The following PRKACB variants were observed in gnomAD, a reference collection of about 807,000 sequenced individuals.
The protein encoded by PRKACB is cAMP-dependent protein kinase catalytic subunit beta.
In PRKACB, 16 loss-of-function variants were observed where a neutral mutation model predicts 51.4. That is an observed-to-expected ratio of 0.31 (90% confidence interval 0.21 to 0.47). The LOEUF (loss-of-function observed/expected upper bound fraction) is 0.47, where lower values mean the gene tolerates loss of function less well. PRKACB is among the 20% of genes least tolerant of loss of function. The probability of loss-of-function intolerance (pLI) is 1.00; values close to 1 mark genes in which losing one functional copy is unlikely to be tolerated. For synonymous variants in PRKACB, 147 were observed against 154.4 expected, an observed-to-expected ratio of 0.95 and a Z score of 0.35; for missense variants, 309 against 464.5, an observed-to-expected ratio of 0.67 and a Z score of 3.08.
At chr1:84,226,189 T>C (rs1470622145) in intron 9 of PRKACB, among the ~76,000 whole-genome samples, 1 of 152,106 alleles carries the variant, frequency 6.6e-6, no homozygotes, top group Non-Finnish European at 1.5e-5. Context: ...TTAGGTAATT[T>C]ATATTTCCTA....
intron 1 of PRKACB, among the ~76,000 whole-genome samples, chr1:84,164,026 T>C (rs113391999): frequency 4.0e-4 from 61 of 152,186 alleles, no homozygotes; most frequent in African/African-American, 1.4e-3. Flanking sequence ...TAATTGCCAG[T>C]AACTTTTTTG....
Position 84,214,291 on chromosome 1 carries a change from G to C in PRKACB, c.1045G>C (p.Asp349His). 6.2e-7 allele frequency: 1 copy of C among 1,605,704 alleles called. No individual in the cohort carries two copies. Among genetic ancestry groups the C allele is most frequent in the Non-Finnish European group, 8.5e-7 (1 of 1,176,898 alleles). ...IKTHKWFATT[D>H]WIAIYQRKVE... ...AACTCACAAGTGGTTTGCCACGACA[G>C]ATTGGATTGCTATTTACCAGAGGAA... The change falls in exon 9 of 10, where the codon GAT becomes CAT. Residue 349 changes from aspartate (D) to histidine (H), a missense_variant. Around this residue, in one of 3 missense-constraint regions of PRKACB, gnomAD observed 96 missense variants for 129.9 expected, o/e 0.74. Transcript: ENST00000370685.
At chr1:84,222,515 G>C (rs1343087076) in intron 9 of PRKACB, among the ~76,000 whole-genome samples, 1 of 151,802 alleles carries the variant, frequency 6.6e-6, no homozygotes, top group Non-Finnish European at 1.5e-5. Flanking sequence ...CTCTCTAATT[G>C]TTTATCATTA....
In PRKACB at chr1:84,144,307, G is replaced by A; in HGVS notation, c.-55G>A. 1 of 1,586,266 alleles carries A rather than the reference G, an allele frequency of 6.3e-7. No homozygotes were observed. Reference sequence around the variant, plus strand: ...TCTTAGCTTCTGTGTAAGAAGTTGTGAGCTCCTTCTGGAAACATTTGCAGT... The same window carrying A: ...TCTTAGCTTCTGTGTAAGAAGTTGTAAGCTCCTTCTGGAAACATTTGCAGT... On this transcript the variant is annotated 5_prime_UTR_variant, in exon 1 of 10. Transcript: ENST00000370685.
At chr1:84,151,358 G>A (rs1186068516) in intron 1 of PRKACB, among the ~76,000 whole-genome samples, 3 of 152,078 alleles carry the variant, frequency 2.0e-5, no homozygotes, top group African/African-American at 7.2e-5. Context: ...TTTTGCTGGT[G>A]GAGGGTCTTG....
chr1:84,222,724 T>A (rs748312919), intron 9 of PRKACB, among the ~76,000 whole-genome samples: 1 of 152,236 alleles, frequency 6.6e-6, no homozygotes, highest in Non-Finnish European at 1.5e-5. Flanking sequence ...TTTGCTTATC[T>A]GGGAAAGACT....
At chr1:84,132,374 A>G (rs1571721855) in intron 1 of PRKACB, among the ~76,000 whole-genome samples, 3 of 152,196 alleles carry the variant, frequency 2.0e-5, no homozygotes, top group Non-Finnish European at 4.4e-5. Context: ...TCTGACATCT[A>G]TAGCAAACAT....
At chr1:84,172,892 A>C (rs1191932112) in intron 1 of PRKACB, among the ~76,000 whole-genome samples, 1 of 151,736 alleles carries the variant, frequency 6.6e-6, no homozygotes, top group Non-Finnish European at 1.5e-5. Flanking sequence ...AGAAAGACTA[A>C]TTAATCATCT....
chr1:84,137,963 G>A (rs1033565260), intron 1 of PRKACB, among the ~76,000 whole-genome samples: 4 of 152,268 alleles, frequency 2.6e-5, no homozygotes, highest in South Asian at 4.1e-4. Flanking sequence ...AATACTTATC[G>A]ATAAGGGAAT....
chr1:84,115,391 T>C (rs1650549702), intron 1 of PRKACB, among the ~76,000 whole-genome samples: 1 of 152,102 alleles, frequency 6.6e-6, no homozygotes, highest in Admixed American at 6.6e-5. Flanking sequence ...TCCTATTAAG[T>C]TTTTTGAGTT....
intron 9 of PRKACB, 65 bp downstream of exon 9, chr1:84,214,382 G>C (rs1672571455): frequency 6.5e-6 from 9 of 1,384,280 alleles, no homozygotes; most frequent in Non-Finnish European, 8.7e-6. Flanking sequence ...ATGTGGTGGA[G>C]ATATTTTCAA....
At chr1:84,201,458 A>G (rs1480037965) in intron 7 of PRKACB, among the ~76,000 whole-genome samples, 1 of 152,040 alleles carries the variant, frequency 6.6e-6, no homozygotes, top group Non-Finnish European at 1.5e-5. Context: ...ATTTACTATA[A>G]ACATTAGCAC....
chr1:84,105,669 G>A (rs931673699), intron 1 of PRKACB, among the ~76,000 whole-genome samples: 12 of 151,988 alleles, frequency 7.9e-5, no homozygotes, highest in African/African-American at 1.9e-4. Context: ...TCCACCTCCC[G>A]GATTCAAGTG....
chr1:84,141,499 T>C (rs1268230386), upstream of PRKACB, among the ~76,000 whole-genome samples: 1 of 152,106 alleles, frequency 6.6e-6, no homozygotes, highest in East Asian at 1.9e-4. Context: ...TATTAAATAT[T>C]CTATTTTCTG....
At chr1:84,216,358 T>G (rs1048511862) in intron 9 of PRKACB, among the ~76,000 whole-genome samples, 4 of 151,742 alleles carry the variant, frequency 2.6e-5, no homozygotes, top group South Asian at 2.1e-4. Flanking sequence ...AATAAATAAA[T>G]AAAGATTACA....
intron 1 of PRKACB, among the ~76,000 whole-genome samples, chr1:84,136,085 G>T (rs1381539784): frequency 6.6e-6 from 1 of 151,916 alleles, no homozygotes; most frequent in East Asian, 1.9e-4. Flanking sequence ...GCATCCATGG[G>T]CATTAAAAAG....
intron 9 of PRKACB, among the ~76,000 whole-genome samples, chr1:84,232,166 A>C (rs1475199887): frequency 1.3e-5 from 2 of 151,710 alleles, no homozygotes; most frequent in African/African-American, 4.8e-5. Flanking sequence ...TTCTGCCTTC[A>C]TTTCGTTATG....
chr1:84,121,055 G>A (rs1262820998), intron 1 of PRKACB, among the ~76,000 whole-genome samples: 1 of 151,820 alleles, frequency 6.6e-6, no homozygotes, highest in Admixed American at 6.6e-5. Context: ...ATGTATCTTT[G>A]TTATTGTTAC....
chr1:84,090,937 C>G (rs915813081), intron 1 of PRKACB, among the ~76,000 whole-genome samples: 5 of 152,176 alleles, frequency 3.3e-5, no homozygotes, highest in Non-Finnish European at 5.9e-5. Context: ...ATCCCAACCC[C>G]TCCTGCTTTC....
Sources: allele counts gnomAD v4.1 joint callset (sites outside exome capture counted in the v4.1 genomes callset), GRCh38; gene constraint gnomAD v4.1.1; regional missense constraint gnomAD v4.1.1; transcripts MANE v1.5; gene names NCBI Gene and HGNC (gene_info 2026-07-23, HGNC 2026-07-21).